Variants in CEP128 observed in about 807,000 individuals in gnomAD.
CEP128 encodes centrosomal protein 128.
CEP128 carries 132 observed loss-of-function variants against 156.7 expected under a neutral mutation model. The ratio of observed to expected loss-of-function variants is 0.84; its 90% CI spans 0.73 to 0.97. The LOEUF (loss-of-function observed/expected upper bound fraction) is 0.97, where lower values mean the gene tolerates loss of function less well. CEP128 is among the 50% of genes least tolerant of loss of function. CEP128 has a pLI of 0.00. For synonymous variants in CEP128, 469 were observed against 448.9 expected, an observed-to-expected ratio of 1.04 and a Z score of -0.57; for missense variants, 1,252 against 1,281.9, an observed-to-expected ratio of 0.98 and a Z score of 0.36.
At chr14:80,718,807 A>C (rs932525497) in intron 19 of CEP128, among the ~76,000 whole-genome samples, 1 of 152,184 alleles carries the variant, frequency 6.6e-6, no homozygotes, top group Non-Finnish European at 1.5e-5. Flanking sequence ...CACTGGCATA[A>C]AGCAGGCTAA....
At chr14:80,959,127 TC>T (rs1334670873) in intron 1 of CEP128, among the ~76,000 whole-genome samples, 12 of 152,160 alleles carry the variant, frequency 7.9e-5, no homozygotes, top group Admixed American at 6.5e-5. Flanking sequence ...ACTGTGGCCC[TC>T]ACTGAAGAAG....
intron 15 of CEP128, among the ~76,000 whole-genome samples, chr14:80,782,698 T>A (rs910580428): frequency 6.6e-6 from 1 of 152,208 alleles, no homozygotes; most frequent in African/African-American, 2.4e-5. Context: ...CTATATACTC[T>A]TATTTTTTAT....
chr14:80,819,497 C>T (rs536291927), intron 13 of CEP128, among the ~76,000 whole-genome samples: 24 of 152,116 alleles, frequency 1.6e-4, no homozygotes, highest in Non-Finnish European at 3.2e-4. Flanking sequence ...CCGCCCACCT[C>T]GGCCTCCCAA....
intron 4 of CEP128, among the ~76,000 whole-genome samples, chr14:80,913,532 G>C (rs573901215): frequency 2.4e-4 from 36 of 152,290 alleles, no homozygotes; most frequent in African/African-American, 8.4e-4. Context: ...AGGTTGGATA[G>C]AATTGGAGGC....
At chr14:80,862,713 T>A (rs1566678043) in intron 9 of CEP128, 44 bp downstream of exon 9, 2 of 1,290,494 alleles carry the variant, frequency 1.5e-6, no homozygotes, top group Non-Finnish European at 2.3e-6. Context: ...TAAATAAACA[T>A]CCAAATTCAA....
chr14:80,858,656 G>T (rs1251916545), intron 9 of CEP128, among the ~76,000 whole-genome samples: 2 of 149,304 alleles, frequency 1.3e-5, no homozygotes, highest in Non-Finnish European at 3.0e-5. Flanking sequence ...ATCTGACAAA[G>T]GGCTAATATC....
intron 19 of CEP128, among the ~76,000 whole-genome samples, chr14:80,733,951 T>C (rs1477779078): frequency 6.6e-6 from 1 of 152,198 alleles, no homozygotes; most frequent in East Asian, 1.9e-4. Flanking sequence ...CTAAGTGCAG[T>C]AACAATATTT....
chr14:80,642,742 A>C (rs1414205113), intron 19 of CEP128, among the ~76,000 whole-genome samples: 3 of 152,046 alleles, frequency 2.0e-5, no homozygotes, highest in African/African-American at 4.8e-5. Context: ...TTAAAAAGTT[A>C]TTAGAAAACT....
chr14:80,545,951 A>G (rs1233942659), intron 21 of CEP128, among the ~76,000 whole-genome samples: 5 of 152,216 alleles, frequency 3.3e-5, no homozygotes, highest in Non-Finnish European at 7.3e-5. Flanking sequence ...GGGTGTGTTG[A>G]ACTAAAATTA....
chr14:80,826,877 G>A (rs1419784321), intron 13 of CEP128, among the ~76,000 whole-genome samples: 1 of 152,034 alleles, frequency 6.6e-6, no homozygotes, highest in Non-Finnish European at 1.5e-5. Context: ...ACTGATCAAG[G>A]ATGCTTAGAA....
At chr14:80,835,084 C>G (rs1365452114) in intron 12 of CEP128, among the ~76,000 whole-genome samples, 1 of 152,072 alleles carries the variant, frequency 6.6e-6, no homozygotes, top group Non-Finnish European at 1.5e-5. Context: ...TTAGTTCAGA[C>G]AAGAGTGGGT....
At chr14:80,821,576 TTA>T (rs1173629616) in intron 13 of CEP128, among the ~76,000 whole-genome samples, 7 of 147,622 alleles carry the variant, frequency 4.7e-5, no homozygotes, top group African/African-American at 1.8e-4. Flanking sequence ...GGAACTGAAG[TTA>T]TATGTCACAC....
chr14:80,885,516 G>C (rs1888754151), intron 8 of CEP128, among the ~76,000 whole-genome samples: 1 of 152,268 alleles, frequency 6.6e-6, no homozygotes, highest in South Asian at 2.1e-4. Flanking sequence ...GCAAACTCCA[G>C]CAGACCTGCA....
intron 19 of CEP128, among the ~76,000 whole-genome samples, chr14:80,739,996 A>G (rs1194661023): frequency 1.3e-5 from 2 of 152,208 alleles, no homozygotes; most frequent in Admixed American, 1.3e-4. Flanking sequence ...ATAAATTTCA[A>G]AACAGGGAAA....
At chr14:80,682,977 T>C (rs1033996959) in intron 19 of CEP128, among the ~76,000 whole-genome samples, 2 of 151,928 alleles carry the variant, frequency 1.3e-5, no homozygotes, top group Non-Finnish European at 2.9e-5. Flanking sequence ...TGATAGCTAG[T>C]TGCCCACCAC....
chr14:80,549,747 T>A (rs185011138), intron 21 of CEP128, among the ~76,000 whole-genome samples: 3 of 152,300 alleles, frequency 2.0e-5, no homozygotes, highest in South Asian at 4.1e-4. Flanking sequence ...AGAGCACAAT[T>A]TAGTGTCCTA....
chr14:80,948,533 A>T (rs1886394626), intron 2 of CEP128, among the ~76,000 whole-genome samples: 1 of 152,246 alleles, frequency 6.6e-6, no homozygotes, highest in Non-Finnish European at 1.5e-5. Flanking sequence ...GGTTATGGAA[A>T]GGGGCTAGTG....
exon 15 of CEP128, chr14:80,477,439 A>G (rs1886963935): frequency 6.6e-6 from 1 of 152,242 alleles, no homozygotes; most frequent in Non-Finnish European, 1.5e-5. Flanking sequence ...GAATGTTCCA[A>G]AAGAATGATT....
At chr14:80,649,604 C>T (rs912887096) in intron 19 of CEP128, among the ~76,000 whole-genome samples, 1 of 152,018 alleles carries the variant, frequency 6.6e-6, no homozygotes, top group Non-Finnish European at 1.5e-5. Flanking sequence ...TATTGCACCA[C>T]CTTGGAATAA....
Sources: allele counts gnomAD v4.1 joint callset (sites outside exome capture counted in the v4.1 genomes callset), GRCh38; gene constraint gnomAD v4.1.1; transcripts MANE v1.5; gene names NCBI Gene and HGNC (gene_info 2026-07-23, HGNC 2026-07-21).